The following ZC3HC1 variants were observed in gnomAD, a reference collection of about 807,000 sequenced individuals.
The protein encoded by ZC3HC1 is zinc finger C3HC-type protein 1.
In ZC3HC1, 38 loss-of-function variants were observed where a neutral mutation model predicts 61.9. That is an observed-to-expected ratio of 0.61 (90% CI 0.47 to 0.81). The LOEUF is 0.81. Among genes scored for constraint, ZC3HC1 ranks in the 30% least tolerant of loss-of-function variants. The pLI is 0.00. For missense variants in ZC3HC1, 554 were observed against 622.7 expected (o/e 0.89, Z 1.17); for synonymous variants, 213 against 229.9 (o/e 0.93, Z 0.67).
At position 130,024,435 on chromosome 7, in the gene ZC3HC1, C is replaced by A; in HGVS notation, c.848G>T (p.Gly283Val). The A allele has an allele frequency of 6.2e-7, 1 of 1,614,150 alleles. No homozygotes were observed. Among genetic ancestry groups the A allele is most frequent in the Non-Finnish European group, 8.5e-7 (1 of 1,180,022 alleles). The change falls in exon 7 of 10, where the codon GGC becomes GTC. Residue 283 changes from glycine (G) to valine (V), a missense_variant. Coordinates refer to ENST00000358303, the MANE Select transcript of ZC3HC1 (RefSeq NM_016478.5). ...SQCMRKVGLW[G>V]FQQIESSMTD... is the part of the protein sequence containing the mutation. ...CATGGACGATTCAATCTGCTGGAAG[C>A]CCCAGAGCCCCACCTTCCTCATACA...
chr7:130,024,714 T>C (rs962286200), intron 6 of ZC3HC1, among the ~76,000 whole-genome samples: 1 of 152,016 alleles, frequency 6.6e-6, no homozygotes, highest in African/African-American at 2.4e-5. Context: ...GTTCTTAGTG[T>C]GCTCTCTATG....
Position 130,018,559 on chromosome 7 carries a change from C to G in ZC3HC1, c.*105G>C. On this transcript the variant is annotated 3_prime_UTR_variant, in exon 10 of 10. Transcript: ENST00000358303. ...GGCAGGGGGCTCCTTATGATTAACC[C>G]AGAACAGGAAAAACTTAGTGTCAGC... The G allele has an allele frequency of 1.0e-6, 1 of 981,682 alleles. No homozygotes were observed. The highest frequency in any genetic ancestry group is 1.6e-5 in the South Asian group (1 of 63,662). The allele number at this position is 981,682 out of a possible 1,614,324, so 60.8% of individuals were successfully genotyped here.
chr7:130,024,783 C>A (rs1409328451), intron 6 of ZC3HC1, among the ~76,000 whole-genome samples: 1 of 151,532 alleles, frequency 6.6e-6, no homozygotes, highest in South Asian at 2.1e-4. Flanking sequence ...GTGGCTCATG[C>A]CTGTAATCCC....
intron 2 of ZC3HC1, among the ~76,000 whole-genome samples, chr7:130,047,983 T>C (rs562953211): frequency 6.6e-6 from 1 of 152,190 alleles, no homozygotes; most frequent in Non-Finnish European, 1.5e-5. Flanking sequence ...TTGTGAACTT[T>C]CCTTTAGAGA....
intron 4 of ZC3HC1, among the ~76,000 whole-genome samples, chr7:130,032,615 T>C (rs1262356726): frequency 6.8e-6 from 1 of 147,232 alleles, no homozygotes; most frequent in Non-Finnish European, 1.5e-5. Context: ...CACTGCACTG[T>C]AGCCTGGGAG....
chr7:130,034,484 CAAAAAAAAAA>C (rs35780865), intron 4 of ZC3HC1, among the ~76,000 whole-genome samples: 1 of 62,274 alleles, frequency 1.6e-5, no homozygotes. Flanking sequence ...GACTCCGTCT[CAAAAAAAAAA>C]AAAAAAAAAA....
intron 4 of ZC3HC1, 116 bp downstream of exon 4, chr7:130,039,348 A>G: frequency 2.2e-6 from 2 of 916,362 alleles, no homozygotes. Flanking sequence ...CCATCTCAAA[A>G]AAAAAAAAGA....
In ZC3HC1 at chr7:130,041,154, A is replaced by ATGTG. The variant is rs34409527; in HGVS notation, c.259-57_259-54dup. On this transcript the variant is annotated intron_variant, in intron 2 of 9. Transcript: ENST00000358303. ...CAAATATATATATATATGTGTGTGT[A>ATGTG]TGTGTGTGTGTGTGTGTGTGTGTAT... 6.8e-3 allele frequency: 8,226 copies of ATGTG among 1,201,074 alleles called. 28 individuals are homozygous for ATGTG. Among genetic ancestry groups the ATGTG allele is most frequent in the African/African-American group, 0.034 (2,197 of 64,972 alleles). The allele number at this position is 1,201,074 out of a possible 1,614,324, so 74.4% of individuals were successfully genotyped here.
chr7:130,051,297 A>C lies in ZC3HC1; in HGVS notation c.70T>G (p.Ser24Ala). Residue 24 changes from serine to alanine, a missense_variant, in exon 1 of 10, where the codon TCC (serine) becomes GCC (alanine). Transcript: ENST00000358303. ...VEKNWGAVVR[S>A]PEGTPQKIRQ... The stretch of plus-strand genomic sequence containing the variant: ...ATTTTCTGGGGGGTCCCTTCTGGGG[A>C]GCGAACTACTGCACCCCAATTCTTT... 1 of 1,612,622 alleles carries C rather than the reference A, an allele frequency of 6.2e-7. No individual in the cohort carries two copies. The highest frequency in any genetic ancestry group is 1.3e-5 in the African/African-American group (1 of 74,886).
chr7:130,039,252 G>A (rs1343209421), intron 4 of ZC3HC1: 2 of 544,654 alleles, frequency 3.7e-6, no homozygotes, highest in Non-Finnish European at 6.5e-6. Context: ...GCTGAGGCAG[G>A]AGAATTGCTT....
intron 1 of ZC3HC1, 48 bp downstream of exon 1, chr7:130,051,173 C>T (rs758238317): frequency 7.7e-6 from 12 of 1,563,734 alleles, no homozygotes; most frequent in South Asian, 3.6e-5. Context: ...TTCCCCAAGC[C>T]TTCTTCAATC....
chr7:130,039,205 G>T (rs10046540), intron 4 of ZC3HC1: 2 of 423,158 alleles, frequency 4.7e-6, no homozygotes, highest in Non-Finnish European at 8.5e-6. Context: ...TTAGCTGGGC[G>T]TGGTGGCGCA....
chr7:130,032,668 T>TGGAA (rs374532483), intron 4 of ZC3HC1, among the ~76,000 whole-genome samples: 10,171 of 57,806 alleles, frequency 0.18, 1,161 homozygotes, highest in Middle Eastern at 0.22. Context: ...ATAGAAGAAA[T>TGGAA]GGAAGGAAGG....
intron 4 of ZC3HC1, among the ~76,000 whole-genome samples, chr7:130,032,027 C>G (rs1031760065): frequency 9.2e-5 from 14 of 152,116 alleles, no homozygotes; most frequent in African/African-American, 3.4e-4. Flanking sequence ...AGTTCAAGAC[C>G]AGCCTGGCCA....
chr7:130,030,096 C>G (rs1794107308), intron 4 of ZC3HC1, among the ~76,000 whole-genome samples: 2 of 151,452 alleles, frequency 1.3e-5, no homozygotes, highest in South Asian at 4.2e-4. Context: ...TACACTGGTA[C>G]AAAGGCAAAT....
chr7:130,018,813 G>T, intron 9 of ZC3HC1, 81 bp from the exon 10 acceptor site: 1 of 1,300,596 alleles, frequency 7.7e-7, no homozygotes, highest in Non-Finnish European at 1.1e-6. Flanking sequence ...ACAATGATCT[G>T]GATATGTCTA....
chr7:130,045,890 CA>C (rs59500095), intron 2 of ZC3HC1, among the ~76,000 whole-genome samples: 175 of 38,594 alleles, frequency 4.5e-3, no homozygotes, highest in African/African-American at 6.6e-3. Flanking sequence ...GACTCCATCT[CA>C]AAAAAAAAAA....
rs568852964 is a variant in ZC3HC1 at position 130,034,975 on chromosome 7, G to A, written c.493+4489C>T. Among the ~76,000 whole-genome samples, 11 of 152,172 alleles carry A rather than the reference G, an allele frequency of 7.2e-5. No homozygotes were observed. The South Asian group carries it at 1.9e-3, about 26-fold the overall frequency. ...TGGTTTGGCCACTGTCTACACTTTA[G>A]TCTTCTCTTCTATTCTCCCCACAGG... On this transcript the variant is annotated intron_variant, in intron 4 of 9. Transcript: ENST00000358303.
chr7:130,022,272 C>T (rs757266938), intron 9 of ZC3HC1, 47 bp downstream of exon 9: 3 of 1,611,488 alleles, frequency 1.9e-6, no homozygotes, highest in Non-Finnish European at 2.5e-6. Context: ...CTCCACCTCC[C>T]ATAAACAGCA....
Sources: gnomAD v4.1 joint callset for allele counts (sites outside exome capture counted in the v4.1 genomes callset) on GRCh38, gnomAD v4.1.1 for gene constraint, MANE v1.5 for transcripts, NCBI Gene and HGNC (gene_info 2026-07-23, HGNC 2026-07-21) for gene names.